Variants in KLK1 observed in about 807,000 individuals in gnomAD.
The protein encoded by KLK1 is kallikrein 1, also known as kallikrein-1.
KLK1 carries 22 observed loss-of-function variants against 23.3 expected under a neutral mutation model. That is an observed-to-expected ratio of 0.95 (90% CI 0.68 to 1.35). The LOEUF (loss-of-function observed/expected upper bound fraction) is 1.35. KLK1 is among the 40% of genes most tolerant of loss of function. The probability of loss-of-function intolerance (pLI) is 0.00; values close to 1 mark genes in which losing one functional copy is unlikely to be tolerated. For synonymous variants in KLK1, 140 were observed against 135.8 expected, an observed-to-expected ratio of 1.03 and a Z score of -0.21; for missense variants, 301 against 338.9, an observed-to-expected ratio of 0.89 and a Z score of 0.88.
intron 1 of KLK1, 92 bp downstream of exon 1, chr19:50,823,611 G>C: frequency 5.0e-6 from 4 of 795,776 alleles, no homozygotes; most frequent in Non-Finnish European, 8.4e-6. Context: ...TGAGGGTGGG[G>C]TGTTGGAGGG....
rs1052314019 is a variant in KLK1 at position 50,819,306 on chromosome 19, C to T, written c.677G>A (p.Gly226Asp). 6.2e-7 allele frequency: 1 copy of T among 1,614,082 alleles called. No individual in the cohort carries two copies. The highest frequency in any genetic ancestry group is 8.5e-7 in the Non-Finnish European group (1 of 1,179,950). Reference sequence around the variant, plus strand: ...AGGGACGTAGCCCCATGATGTGACACCTTGGAGCACACCATCACACATCAG... The same window carrying T: ...AGGGACGTAGCCCCATGATGTGACATCTTGGAGCACACCATCACACATCAG... The part of the protein sequence containing the change: ...GPLMCDGVLQ[G>D]VTSWGYVPCG... Residue 226 changes from glycine to aspartate, a missense_variant, in exon 5 of 5, where the codon GGT becomes GAT. By Grantham distance (94) the Gly-to-Asp change is moderately conservative. Coordinates refer to ENST00000301420, the MANE Select transcript of KLK1 (RefSeq NM_002257.4).
At chr19:50,820,761 G>C (rs1376018412) in intron 2 of KLK1, 1 of 241,612 alleles carries the variant, frequency 4.1e-6, no homozygotes, top group African/African-American at 2.3e-5. Flanking sequence ...ATAAAAGACA[G>C]GGACAGCGAG....
Position 50,820,186 on chromosome 19 carries a change from G to T in KLK1, c.464C>A (p.Ala155Asp). ...TGGTTCGATGCTGCCCCAGCCGGAAGCCAAACAGGTGCTCCCCACTTCGGG... is the reference window on the plus strand; with the variant it reads ...TGGTTCGATGCTGCCCCAGCCGGAATCCAAACAGGTGCTCCCCACTTCGGG... ...EEPEVGSTCL[A>D]SGWGSIEPEN... Residue 155 changes from alanine to aspartate, a missense_variant, in exon 3 of 5, where the codon GCT becomes GAT. By Grantham distance (126) the Ala-to-Asp change is moderately radical. Coordinates refer to ENST00000301420, the MANE Select transcript of KLK1 (RefSeq NM_002257.4). 3.7e-6 allele frequency: 6 copies of T among 1,607,280 alleles called. No homozygotes were observed. Among genetic ancestry groups the T allele is most frequent in the Non-Finnish European group, 5.1e-6 (6 of 1,174,838 alleles).
At position 50,821,721 on chromosome 19, in the gene KLK1, C is replaced by G; in HGVS notation, c.197G>C (p.Cys66Ser). The change falls in exon 2 of 5, where the codon TGC (cysteine) becomes TCC (serine). Residue 66 changes from cysteine (C) to serine (S), a missense_variant. Cys to Ser is a moderately radical substitution (Grantham distance 112). Transcript: ENST00000301420. The surrounding 1 kb of genome is among the most constrained non-coding windows in gnomAD (Gnocchi z 5.6). Reference protein sequence around the residue: ...HRQWVLTAAHCISDNYQLWLG... With the variant: ...HRQWVLTAAHSISDNYQLWLG... ...CCAGGCCCCTACTCACTCGCTGATG[C>G]AATGAGCAGCTGTGAGCACCCACTG... The G allele has an allele frequency of 1.2e-6, 2 of 1,609,704 alleles. No individual in the cohort carries two copies. The highest frequency in any genetic ancestry group is 1.7e-6 in the Non-Finnish European group (2 of 1,177,590).
In KLK1 at chr19:50,821,654, C is replaced by T. The variant is rs779946534; in HGVS notation, c.206+58G>A. 1,451 of 1,509,322 alleles carry T rather than the reference C, an allele frequency of 9.6e-4. 2 individuals carry two copies. Among genetic ancestry groups the T allele is most frequent in the Non-Finnish European group, 1.1e-3 (1,263 of 1,125,458 alleles). The allele number at this position is 1,509,322 out of a possible 1,614,324, so 93.5% of individuals were successfully genotyped here. A position where few individuals can be genotyped will look rare whatever the true frequency, so the allele number is the denominator to read the frequency against. ...GGTTATCCAAGGGGAATGCCACTGG[C>T]CTGTCAATCCTGTGGCAGCATAGAT... is the stretch of plus-strand genomic sequence containing the variant. On this transcript the variant is annotated intron_variant, in intron 2 of 4. Transcript: ENST00000301420. The surrounding 1 kb of genome is among the most constrained non-coding windows in gnomAD (Gnocchi z 5.6).
chr19:50,823,542 G>A (rs922328692), intron 1 of KLK1, among the ~76,000 whole-genome samples, 161 bp downstream of exon 1: 15 of 151,668 alleles, frequency 9.9e-5, no homozygotes, highest in African/African-American at 2.7e-4. Flanking sequence ...GGGTGGGGCC[G>A]CGCAAGATAG....
At chr19:50,822,064 T>C in intron 1 of KLK1, 193 bp from the exon 2 acceptor site, 1 of 1,356,626 alleles carries the variant, frequency 7.4e-7, no homozygotes. Context: ...TTTGGAGTGG[T>C]GGCTGGACCT....
chr19:50,819,828 C>G (rs933354410), intron 4 of KLK1, 71 bp downstream of exon 4: 14 of 1,512,708 alleles, frequency 9.3e-6, no homozygotes, highest in South Asian at 4.9e-5. Flanking sequence ...CTGGTTAGCT[C>G]TCAGAAGCCA....
intron 2 of KLK1, 56 bp from the exon 3 acceptor site, chr19:50,820,499 G>GTT: frequency 9.2e-7 from 1 of 1,088,552 alleles, no homozygotes; most frequent in Non-Finnish European, 1.3e-6. Flanking sequence ...AAGGGGATGG[G>GTT]GCAGGGGAGC....
intron 1 of KLK1, chr19:50,822,154 A>G (rs1336252290): frequency 8.8e-7 from 1 of 1,140,684 alleles, no homozygotes; most frequent in Non-Finnish European, 1.1e-6. Context: ...TCTGGAGCAG[A>G]CACTGCATCT....
Position 50,819,796 on chromosome 19 carries a change from T to C in KLK1, c.633+103A>G, listed in dbSNP as rs546125345. 9.8e-4 allele frequency: 1,148 copies of C among 1,175,566 alleles called. 4 individuals carry two copies. Among genetic ancestry groups the C allele is most frequent in the Middle Eastern group, 2.9e-3 (10 of 3,470 alleles). 72.8% of individuals were successfully genotyped at this position (1,175,566 alleles called of 1,614,324 possible). ...GATGGGGCGAGTGGCTACAGCTAGC[T>C]GGGAAGCAGTGAAGCAGATGCCTGG... On this transcript the variant is annotated intron_variant, in intron 4 of 4. Transcript: ENST00000301420.
In KLK1 at chr19:50,821,814, G is replaced by A. The variant is rs1226369960; in HGVS notation, c.104C>T (p.Ser35Phe). The change falls in exon 2 of 5, where the codon TCC becomes TTC. Residue 35 changes from serine to phenylalanine, a missense_variant. By Grantham distance (155) the Ser-to-Phe change is radical. Coordinates refer to ENST00000301420, the MANE Select transcript of KLK1 (RefSeq NM_002257.4). The surrounding 1 kb of genome is among the most constrained non-coding windows in gnomAD (Gnocchi z 5.6). ...IVGGWECEQH[S>F]QPWQAALYHF... Reference sequence around the variant, plus strand: ...GTACAGAGCCGCCTGCCAGGGCTGGGAATGCTGCTCACACTCCCAGCCTCC... The same window carrying A: ...GTACAGAGCCGCCTGCCAGGGCTGGAAATGCTGCTCACACTCCCAGCCTCC... 8 of 1,613,880 alleles carry A rather than the reference G, an allele frequency of 5.0e-6. No homozygotes were observed. The highest frequency in any genetic ancestry group is 6.8e-6 in the Non-Finnish European group (8 of 1,179,980).
At position 50,819,918 on chromosome 19, in the gene KLK1, C is replaced by T; in HGVS notation, c.614G>A (p.Gly205Asp). The change falls in exon 4 of 5, where the codon GGT (glycine) becomes GAT (aspartate). Residue 205 changes from glycine to aspartate, a missense_variant. Transcript: ENST00000301420. ...DFMLCVGHLE[G>D]GKDTCVGDSG... ...CCTCACCACACAGGTGTCTTTGCCACCTTCCAGGTGTCCGACACACAGCAT... is the reference window on the plus strand; with the variant it reads ...CCTCACCACACAGGTGTCTTTGCCATCTTCCAGGTGTCCGACACACAGCAT... 1 of 1,614,224 alleles carries T rather than the reference C, an allele frequency of 6.2e-7. No individual in the cohort carries two copies. Among genetic ancestry groups the T allele is most frequent in the Non-Finnish European group, 8.5e-7 (1 of 1,180,036 alleles).
chr19:50,822,579 C>A, intron 1 of KLK1: 1 of 985,330 alleles, frequency 1.0e-6, no homozygotes, highest in African/African-American at 1.7e-5. Context: ...TCCTGTGAAC[C>A]AGGAATGGCA....
chr19:50,823,154 T>A (rs1404803269), intron 1 of KLK1, among the ~76,000 whole-genome samples: 1 of 151,348 alleles, frequency 6.6e-6, no homozygotes, highest in African/African-American at 2.4e-5. Flanking sequence ...GGTTTTCTGG[T>A]GAAATTTGGG....
chr19:50,820,098 C>A lies in KLK1; in HGVS notation c.496+56G>T, dbSNP rs145117685. 22 of 1,607,720 alleles carry A rather than the reference C, an allele frequency of 1.4e-5. No homozygotes were observed. In the African/African-American group the frequency reaches 2.8e-4, roughly 20 times the overall value. On this transcript the variant is annotated intron_variant, in intron 3 of 4. Transcript: ENST00000301420. ...CACCTGCTTCCCTGGCCCTTTCTCC[C>A]TTGGACGCAGGAGTCCCCATCCCCG... is the stretch of plus-strand genomic sequence containing the variant.
chr19:50,821,686 C>T lies in KLK1; in HGVS notation c.206+26G>A, dbSNP rs2089829237. 1 of 1,555,758 alleles carries T rather than the reference C, an allele frequency of 6.4e-7. No homozygotes were observed. Among genetic ancestry groups the T allele is most frequent in the Non-Finnish European group, 8.7e-7 (1 of 1,147,424 alleles). ...ATCCTGTGGCAGCATAGATGCCCTC[C>T]TCCCAGACCCCAGGCCCCTACTCAC... is the stretch of plus-strand genomic sequence containing the variant. On this transcript the variant is annotated intron_variant, in intron 2 of 4. Transcript: ENST00000301420. This position sits in a 1 kb window ranked among gnomAD's most constrained non-coding sequence, Gnocchi z 5.6.
intron 1 of KLK1, chr19:50,822,757 G>T (rs1215895212): frequency 1.0e-6 from 1 of 985,182 alleles, no homozygotes; most frequent in African/African-American, 1.8e-5. Flanking sequence ...AAGGATATGG[G>T]GTCCTCTTGG....
At chr19:50,822,752 T>C (rs1229553105) in intron 1 of KLK1, 1 of 984,946 alleles carries the variant, frequency 1.0e-6, no homozygotes, top group Non-Finnish European at 1.2e-6. Context: ...ACTGGAAGGA[T>C]ATGGGGTCCT....
Sources: gnomAD v4.1 joint callset for allele counts (sites outside exome capture counted in the v4.1 genomes callset) on GRCh38, gnomAD v4.1.1 for gene constraint, Gnocchi (gnomAD v3.1) non-coding constraint, MANE v1.5 for transcripts, NCBI Gene and HGNC (gene_info 2026-07-23, HGNC 2026-07-21) for gene names.